The following MAP3K2 variants were observed in gnomAD, a reference collection of about 807,000 sequenced individuals.
The protein encoded by MAP3K2 is mitogen-activated protein kinase kinase kinase 2.
In MAP3K2, 24 loss-of-function variants were observed where a neutral mutation model predicts 80.3. The observed-to-expected ratio is 0.30, with a 90% CI of 0.22 to 0.42. The LOEUF is 0.42. MAP3K2 is among the 10% of genes least tolerant of loss of function. The probability of loss-of-function intolerance (pLI) is 1.00; values close to 1 mark genes in which losing one functional copy is unlikely to be tolerated. For synonymous variants in MAP3K2, 244 were observed against 253.7 expected, an observed-to-expected ratio of 0.96 and a Z score of 0.36; for missense variants, 608 against 750.1, an observed-to-expected ratio of 0.81 and a Z score of 2.21.
rs1000435346 is a variant in MAP3K2 at position 127,322,851 on chromosome 2, T to C, written c.839-599A>G. 7.3e-5 allele frequency among the ~76,000 whole-genome samples: 11 copies of C among 151,410 alleles called. No homozygotes were observed. The highest frequency in any genetic ancestry group is 1.5e-4 in the Non-Finnish European group (10 of 67,852). On this transcript the variant is annotated intron_variant, in intron 11 of 16. Coordinates refer to ENST00000682094, the MANE Select transcript of MAP3K2 (RefSeq NM_001371910.2). This position sits in a 1 kb window ranked among gnomAD's most constrained non-coding sequence, Gnocchi z 4.2. Reference sequence around the variant, plus strand: ...CTCAGGTGATCCACCCGCCTCGGCCTCCCAAAGTGCTGGGATTACAGGCAT... The same window carrying C: ...CTCAGGTGATCCACCCGCCTCGGCCCCCCAAAGTGCTGGGATTACAGGCAT...
At position 127,387,624 on chromosome 2, in the gene MAP3K2, G is replaced by A; in HGVS notation, c.-238C>T. On this transcript the variant is annotated 5_prime_UTR_variant, in exon 1 of 17. Coordinates refer to ENST00000682094, the MANE Select transcript of MAP3K2 (RefSeq NM_001371910.2). ...GAGTCGGGCGCGGGCCTTGGGGCCA[G>A]GCCCGTCCCTCTTTCACATGAAGCC... 6.1e-6 allele frequency: 6 copies of A among 984,974 alleles called. No homozygotes were observed. The highest frequency in any genetic ancestry group is 6.0e-6 in the Non-Finnish European group (5 of 829,758). The allele number at this position is 984,974 out of a possible 1,614,324, so 61.0% of individuals were successfully genotyped here. A position where few individuals can be genotyped will look rare whatever the true frequency, so the allele number is the denominator to read the frequency against.
At chr2:127,353,361 C>T (rs532007722) in intron 1 of MAP3K2, among the ~76,000 whole-genome samples, 3 of 145,232 alleles carry the variant, frequency 2.1e-5, no homozygotes, top group East Asian at 2.1e-4. Context: ...ACCCCGTCTG[C>T]GAGGTGAGGA....
intron 1 of MAP3K2, among the ~76,000 whole-genome samples, chr2:127,367,886 C>A (rs549997999): frequency 9.2e-5 from 14 of 152,352 alleles, no homozygotes; most frequent in African/African-American, 3.4e-4. Context: ...TGAAACACAT[C>A]TAAACACGTC....
chr2:127,332,121 C>T (rs1401955193), intron 5 of MAP3K2, among the ~76,000 whole-genome samples: 1 of 152,138 alleles, frequency 6.6e-6, no homozygotes, highest in African/African-American at 2.4e-5. Flanking sequence ...CAATTATTAA[C>T]TGTTTGGTAT....
At chr2:127,361,467 A>G (rs1260946829) in intron 1 of MAP3K2, among the ~76,000 whole-genome samples, 1 of 152,248 alleles carries the variant, frequency 6.6e-6, no homozygotes, top group Non-Finnish European at 1.5e-5. Flanking sequence ...AGTTTTAATA[A>G]CTTAATAGTC....
rs2104821406 is a variant in MAP3K2, at chr2:127,322,093, A to G, written c.998T>C (p.Ile333Thr). The change falls in exon 12 of 17, where the codon ATA becomes ACA. Residue 333 changes from isoleucine (I) to threonine (T), a missense_variant. By Grantham distance (89) the Ile-to-Thr change is moderately conservative. Around this residue, in one of 4 missense-constraint regions of MAP3K2, gnomAD observed 467 missense variants for 521.9 expected, o/e 0.89. Coordinates refer to ENST00000682094, the MANE Select transcript of MAP3K2 (RefSeq NM_001371910.2). The surrounding 1 kb of genome is among the most constrained non-coding windows in gnomAD (Gnocchi z 4.2). ...DSRIRRRGSD[I>T]DNPTLTVMDI... ...CATTACGGTCAAAGTAGGATTGTCT[A>G]TGTCACTTCCCCTTCTTCTTATTCG... 6.2e-7 allele frequency: 1 copy of G among 1,613,752 alleles called. No homozygotes were observed. The highest frequency in any genetic ancestry group is 8.5e-7 in the Non-Finnish European group (1 of 1,179,802).
At chr2:127,325,180 C>T (rs539770566) in intron 9 of MAP3K2, among the ~76,000 whole-genome samples, 77 of 152,242 alleles carry the variant, frequency 5.1e-4, no homozygotes, top group African/African-American at 1.6e-3. Flanking sequence ...AGCAGGAATA[C>T]TCAAACTATT....
chr2:127,336,152 ACT>A (rs1229094673), intron 4 of MAP3K2, among the ~76,000 whole-genome samples, 183 bp from the exon 5 acceptor site: 1 of 152,200 alleles, frequency 6.6e-6, no homozygotes, highest in African/African-American at 2.4e-5. Context: ...AAGTTCAAAA[ACT>A]CTGAAGTCTG....
In MAP3K2 at chr2:127,303,364, A is replaced by G. The variant is rs113962183; in HGVS notation, c.*4215T>C. On this transcript the variant is annotated 3_prime_UTR_variant, in exon 17 of 17. Coordinates refer to ENST00000682094, the MANE Select transcript of MAP3K2 (RefSeq NM_001371910.2). ...AAGAACAAAAAAACACTGTTATGGA[A>G]TAAATGCTCCCCATCACCAGAACTG... The G allele has an allele frequency of 2.6e-5, 4 of 151,668 alleles. No individual in the cohort carries two copies. The highest frequency in any genetic ancestry group is 7.2e-5 in the African/African-American group (3 of 41,464). 9.4% of individuals were successfully genotyped at this position (151,668 alleles called of 1,614,324 possible).
chr2:127,330,309 T>C (rs1686228289), intron 6 of MAP3K2, 83 bp downstream of exon 6: 2 of 655,032 alleles, frequency 3.1e-6, no homozygotes, highest in South Asian at 2.2e-5. Context: ...GCAATGATTA[T>C]AGAATATAAT....
rs1384662524 is a variant in MAP3K2, at chr2:127,303,751, A to G, written c.*3828T>C. 4 of 152,152 alleles carry G rather than the reference A, an allele frequency of 2.6e-5. No individual in the cohort carries two copies. Among genetic ancestry groups the G allele is most frequent in the Admixed American group, 2.0e-4 (3 of 15,264 alleles). The allele number at this position is 152,152 out of a possible 1,614,324, so 9.4% of individuals were successfully genotyped here. A position where few individuals can be genotyped will look rare whatever the true frequency, so the allele number is the denominator to read the frequency against. ...ATTCTATTAAAAAAGATAGATTTGT[A>G]TATTTAATTGACACCAGGTGATTTT... On this transcript the variant is annotated 3_prime_UTR_variant, in exon 17 of 17. Coordinates refer to ENST00000682094, the MANE Select transcript of MAP3K2 (RefSeq NM_001371910.2).
chr2:127,318,156 C>T lies in MAP3K2; in HGVS notation c.1194+13G>A, dbSNP rs780525583. On this transcript the variant is annotated intron_variant, in intron 13 of 16. Coordinates refer to ENST00000682094, the MANE Select transcript of MAP3K2 (RefSeq NM_001371910.2). Reference sequence around the variant, plus strand: ...TTATAATGTGACAAAGTAATTTGTGCAGTGATTTTTACCTTGCTGGTCTCA... The same window carrying T: ...TTATAATGTGACAAAGTAATTTGTGTAGTGATTTTTACCTTGCTGGTCTCA... 3 of 1,564,148 alleles carry T rather than the reference C, an allele frequency of 1.9e-6. No homozygotes were observed. The highest frequency in any genetic ancestry group is 2.5e-5 in the South Asian group (2 of 80,386).
chr2:127,333,226 C>T (rs150283395), intron 5 of MAP3K2, among the ~76,000 whole-genome samples: 1 of 151,330 alleles, frequency 6.6e-6, no homozygotes, highest in African/African-American at 2.4e-5. Context: ...CATCCAACCC[C>T]CATGACACAC....
At chr2:127,375,998 C>A (rs996911920) in intron 1 of MAP3K2, among the ~76,000 whole-genome samples, 8 of 152,142 alleles carry the variant, frequency 5.3e-5, no homozygotes, top group African/African-American at 1.9e-4. Flanking sequence ...GTTACCACCA[C>A]GCCTGACAAA....
At chr2:127,350,765 AC>A (rs1686679399) in intron 1 of MAP3K2, among the ~76,000 whole-genome samples, 1 of 151,944 alleles carries the variant, frequency 6.6e-6, no homozygotes, top group African/African-American at 2.4e-5. Context: ...AAAAAAAAGT[AC>A]CCTTTCTAGT....
At chr2:127,329,054 G>C (rs1483647132) in intron 7 of MAP3K2, among the ~76,000 whole-genome samples, 2 of 152,138 alleles carry the variant, frequency 1.3e-5, no homozygotes, top group African/African-American at 4.8e-5. Context: ...CAGACAGAAT[G>C]GGGAGTTGAG....
At chr2:127,375,788 C>T (rs915672957) in intron 1 of MAP3K2, among the ~76,000 whole-genome samples, 3 of 152,192 alleles carry the variant, frequency 2.0e-5, no homozygotes, top group Admixed American at 1.3e-4. Context: ...CCGACCTTCC[C>T]AGCTTCTAAC....
Position 127,374,221 on chromosome 2 carries a change from T to C in MAP3K2, c.-66+13231A>G, listed in dbSNP as rs376076056. ...AGTGACTCTGCTTACTGTTTATTTA[T>C]TGCAGAACTTTGAGACGGCCTTCAT... is the stretch of plus-strand genomic sequence containing the variant. On this transcript the variant is annotated intron_variant, in intron 1 of 16. Coordinates refer to ENST00000682094, the MANE Select transcript of MAP3K2 (RefSeq NM_001371910.2). Among the ~76,000 whole-genome samples, 4 of 152,228 alleles carry C rather than the reference T, an allele frequency of 2.6e-5. No homozygotes were observed. In the East Asian group the frequency reaches 7.7e-4, roughly 29 times the overall value.
intron 1 of MAP3K2, among the ~76,000 whole-genome samples, chr2:127,376,609 G>A (rs564836668): frequency 6.6e-6 from 1 of 152,292 alleles, no homozygotes; most frequent in African/African-American, 2.4e-5. Context: ...GTCCCAAAGT[G>A]GGACCCAAAG....
Sources: gnomAD v4.1 joint callset for allele counts (sites outside exome capture counted in the v4.1 genomes callset) on GRCh38, gnomAD v4.1.1 for gene constraint, gnomAD v4.1.1 regional missense constraint, Gnocchi (gnomAD v3.1) non-coding constraint, MANE v1.5 for transcripts, NCBI Gene and HGNC (gene_info 2026-07-23, HGNC 2026-07-21) for gene names.